The following CTNNA1 variants were observed in gnomAD, a reference collection of about 807,000 sequenced individuals.
The protein encoded by CTNNA1 is catenin alpha 1.
A neutral mutation model predicts 98.4 loss-of-function variants in CTNNA1; 37 were observed. The ratio of observed to expected loss-of-function variants is 0.38; its 90% CI spans 0.29 to 0.49. The LOEUF is 0.49. CTNNA1 is among the 20% of genes least tolerant of loss of function. The probability of loss-of-function intolerance (pLI) is 0.95; values close to 1 mark genes in which losing one functional copy is unlikely to be tolerated. For synonymous variants in CTNNA1, 404 were observed against 413.2 expected (o/e 0.98, Z 0.27); for missense variants, 761 against 1,147.2 (o/e 0.66, Z 4.86).
intron 7 of CTNNA1, chr5:138,880,669 TTACC>T (rs1210720050): frequency 1.2e-5 from 2 of 166,756 alleles, no homozygotes; most frequent in African/African-American, 4.8e-5. Flanking sequence ...TTATTTCCTC[TTACC>T]TACATAGATG....
Position 138,934,937 on chromosome 5 carries a change from A to G in CTNNA1, c.*848A>G, listed in dbSNP as rs893216035. On this transcript the variant is annotated 3_prime_UTR_variant, in exon 18 of 18. Transcript: ENST00000302763. ...GATTGATTACTATTAACTACAAGGT[A>G]TAATTTACTATCACCTTATTTAAAT... 3 of 152,524 alleles carry G rather than the reference A, an allele frequency of 2.0e-5. No homozygotes were observed. Among genetic ancestry groups the G allele is most frequent in the East Asian group, 1.9e-4 (1 of 5,206 alleles). The allele number at this position is 152,524 out of a possible 1,614,324, so 9.4% of individuals were successfully genotyped here.
At position 138,824,527 on chromosome 5, in the gene CTNNA1, T is replaced by A. The variant is rs530059571; in HGVS notation, c.589-3T>A. Reference sequence around the variant, plus strand: ...CAATTTCTTGTTTTATTTACTCTTGTAGGAATTGAAAGATGTTGGCCATCG... The same window carrying A: ...CAATTTCTTGTTTTATTTACTCTTGAAGGAATTGAAAGATGTTGGCCATCG... On this transcript the variant is annotated splice_polypyrimidine_tract_variant and splice_region_variant and intron_variant, in intron 5 of 17. Coordinates refer to ENST00000302763, the MANE Select transcript of CTNNA1 (RefSeq NM_001903.5). 6.2e-7 allele frequency: 1 copy of A among 1,612,470 alleles called. No homozygotes were observed. The highest frequency in any genetic ancestry group is 1.1e-5 in the South Asian group (1 of 91,040).
At chr5:138,776,551 G>C (rs961755961) in intron 1 of CTNNA1, among the ~76,000 whole-genome samples, 3 of 152,322 alleles carry the variant, frequency 2.0e-5, no homozygotes, top group African/African-American at 4.8e-5. Context: ...TTCTCAATGA[G>C]CTGCTGGGCA....
At position 138,873,094 on chromosome 5, in the gene CTNNA1, G is replaced by A; in HGVS notation, c.1063-13118G>A. 6.2e-7 allele frequency: 1 copy of A among 1,613,852 alleles called. No individual in the cohort carries two copies. The highest frequency in any genetic ancestry group is 1.3e-5 in the African/African-American group (1 of 75,022). ...TGATGATGAAGGGTCCTTCATGGGTGGGTTCATATTCATTATACGGTCCTT... is the reference window on the plus strand; with the variant it reads ...TGATGATGAAGGGTCCTTCATGGGTAGGTTCATATTCATTATACGGTCCTT... On this transcript the variant is annotated intron_variant, in intron 7 of 17. Coordinates refer to ENST00000302763, the MANE Select transcript of CTNNA1 (RefSeq NM_001903.5). This position sits in a 1 kb window ranked among gnomAD's most constrained non-coding sequence, Gnocchi z 6.1.
intron 7 of CTNNA1, chr5:138,881,033 G>A (rs1359985967): frequency 6.6e-6 from 3 of 456,228 alleles, no homozygotes; most frequent in Non-Finnish European, 1.3e-5. Context: ...TACTCTGTAC[G>A]GTTTATAGCA....
chr5:138,842,648 TTGA>T (rs1762371018), intron 7 of CTNNA1, among the ~76,000 whole-genome samples: 1 of 152,200 alleles, frequency 6.6e-6, no homozygotes, highest in Non-Finnish European at 1.5e-5. Flanking sequence ...AAATCAGACC[TTGA>T]TGATGACCTT....
At chr5:138,892,503 C>A (rs560973983) in intron 9 of CTNNA1, among the ~76,000 whole-genome samples, 21 of 151,248 alleles carry the variant, frequency 1.4e-4, no homozygotes, top group African/African-American at 4.6e-4. Context: ...CACGCCTGGC[C>A]ATTTTTGTAT....
chr5:138,815,216 C>A (rs921350625), intron 5 of CTNNA1, among the ~76,000 whole-genome samples: 3 of 151,590 alleles, frequency 2.0e-5, no homozygotes, highest in African/African-American at 7.3e-5. Context: ...GTATTTTTTT[C>A]ATGTGTTTTT....
intron 7 of CTNNA1, among the ~76,000 whole-genome samples, chr5:138,844,986 G>T (rs1220529348): frequency 2.6e-5 from 4 of 152,142 alleles, no homozygotes; most frequent in Non-Finnish European, 4.4e-5. Context: ...CACTGACATT[G>T]TCCTAGGTGT....
chr5:138,868,190 A>G (rs1021405129), intron 7 of CTNNA1, among the ~76,000 whole-genome samples: 1 of 152,252 alleles, frequency 6.6e-6, no homozygotes, highest in Non-Finnish European at 1.5e-5. Context: ...CTGACCGTTT[A>G]TGTTATCAGT....
rs1435414764 is a variant in CTNNA1 at position 138,898,623 on chromosome 5, C to T, written c.1297-5726C>T. Reference sequence around the variant, plus strand: ...TCTTAAAAAAAAAAAAAAAAGTTATCCTAAAGCTTTACTACGACATGTCTA... The same window carrying T: ...TCTTAAAAAAAAAAAAAAAAGTTATTCTAAAGCTTTACTACGACATGTCTA... On this transcript the variant is annotated intron_variant, in intron 9 of 17. Coordinates refer to ENST00000302763, the MANE Select transcript of CTNNA1 (RefSeq NM_001903.5). Among the ~76,000 whole-genome samples, 3 of 151,338 alleles carry T rather than the reference C, an allele frequency of 2.0e-5. No homozygotes were observed. In the East Asian group the frequency reaches 5.8e-4, roughly 29 times the overall value.
intron 1 of CTNNA1, among the ~76,000 whole-genome samples, chr5:138,770,893 A>G (rs1177668783): frequency 6.6e-6 from 1 of 151,486 alleles, no homozygotes; most frequent in Admixed American, 6.6e-5. Context: ...CAGGGCTTGC[A>G]GTGAGCCGAG....
At chr5:138,853,471 TC>T (rs1254557331) in intron 7 of CTNNA1, among the ~76,000 whole-genome samples, 1 of 152,044 alleles carries the variant, frequency 6.6e-6, no homozygotes, top group African/African-American at 2.4e-5. Flanking sequence ...TTTTAATCCT[TC>T]CTAGCCAGCG....
intron 7 of CTNNA1, among the ~76,000 whole-genome samples, chr5:138,878,395 C>G (rs996180802): frequency 6.6e-6 from 1 of 152,184 alleles, no homozygotes; most frequent in Non-Finnish European, 1.5e-5. Context: ...TCTAAACTTT[C>G]TCTTGGTTTT....
intron 3 of CTNNA1, among the ~76,000 whole-genome samples, chr5:138,784,197 C>G (rs1305480654): frequency 1.3e-5 from 2 of 152,202 alleles, no homozygotes; most frequent in African/African-American, 4.8e-5. Context: ...AGCCACAGTG[C>G]CCGGCCTTGA....
chr5:138,875,843 A>G (rs28363441), intron 7 of CTNNA1: 202 of 529,230 alleles, frequency 3.8e-4, no homozygotes, highest in Middle Eastern at 9.3e-4. Flanking sequence ...GTGTTGATAA[A>G]CTAGCTAAGT....
At chr5:138,766,774 G>A (rs2149592864) in intron 1 of CTNNA1, among the ~76,000 whole-genome samples, 1 of 152,238 alleles carries the variant, frequency 6.6e-6, no homozygotes, top group African/African-American at 2.4e-5. Flanking sequence ...CAGCTTTGCA[G>A]TTAAGTGCAG....
intron 1 of CTNNA1, among the ~76,000 whole-genome samples, chr5:138,765,283 C>T (rs957364159): frequency 1.4e-4 from 22 of 152,206 alleles, no homozygotes; most frequent in South Asian, 2.1e-4. Flanking sequence ...TCAGGTGATC[C>T]GCCCGCCTCG....
chr5:138,813,131 T>C (rs1351102027), intron 5 of CTNNA1, among the ~76,000 whole-genome samples: 1 of 152,214 alleles, frequency 6.6e-6, no homozygotes, highest in Non-Finnish European at 1.5e-5. Flanking sequence ...TGAGTTAGGC[T>C]AAGTGACTTC....
Sources: gnomAD v4.1 joint callset for allele counts (sites outside exome capture counted in the v4.1 genomes callset) on GRCh38, gnomAD v4.1.1 for gene constraint, Gnocchi (gnomAD v3.1) non-coding constraint, MANE v1.5 for transcripts, NCBI Gene and HGNC (gene_info 2026-07-23, HGNC 2026-07-21) for gene names.